The following CACNG2 variants were observed in gnomAD, a reference collection of about 807,000 sequenced individuals.
The protein encoded by CACNG2 is voltage-dependent calcium channel gamma-2 subunit.
Under a neutral mutation model 25.9 loss-of-function variants are expected in CACNG2, and 3 were observed. The observed-to-expected ratio is 0.12, with a 90% CI of 0.05 to 0.30. The LOEUF is 0.30. Among genes scored for constraint, CACNG2 ranks in the 10% least tolerant of loss-of-function variants. CACNG2 has a pLI of 1.00. For missense variants in CACNG2, 341 were observed against 432.5 expected (o/e 0.79, Z 1.88); for synonymous variants, 167 against 173.3 (o/e 0.96, Z 0.29).
intron 1 of CACNG2, among the ~76,000 whole-genome samples, chr22:36,637,068 A>T (rs143559887): frequency 6.6e-6 from 1 of 152,240 alleles, no homozygotes. Context: ...AGGCAGCAAC[A>T]TCTGCTGTGT....
chr22:36,568,175 A>C (rs73169701), intron 2 of CACNG2, among the ~76,000 whole-genome samples: 3,880 of 152,040 alleles, frequency 0.026, 131 homozygotes, highest in Admixed American at 0.089. Flanking sequence ...ATGGTGCTTA[A>C]GTGGTTTCTA....
At chr22:36,621,571 A>AC (rs1936106224) in intron 1 of CACNG2, among the ~76,000 whole-genome samples, 1 of 147,716 alleles carries the variant, frequency 6.8e-6, no homozygotes, top group Admixed American at 6.7e-5. Context: ...TTTTGCCTCA[A>AC]AAAAAAAAAA....
intron 1 of CACNG2, among the ~76,000 whole-genome samples, chr22:36,679,180 TC>T (rs1569049780): frequency 7.6e-6 from 1 of 131,990 alleles, no homozygotes; most frequent in Non-Finnish European, 1.6e-5. Context: ...CTTCCTTCCT[TC>T]CTTCCTTCCT....
chr22:36,666,991 ATTT>A (rs35100359), intron 1 of CACNG2, among the ~76,000 whole-genome samples: 5 of 134,384 alleles, frequency 3.7e-5, no homozygotes, highest in Admixed American at 1.5e-4. Context: ...TGGGATCACC[ATTT>A]TTTTTTTTTT....
rs575149310 is a variant in CACNG2 at position 36,631,419 on chromosome 22, C to T, written c.212-43871G>A. On this transcript the variant is annotated intron_variant, in intron 1 of 3. Transcript: ENST00000300105. ...TGCCTCTCAGCCCCCACCTCTGTGTCAGCAGTGTCCTTCAGGGGAAGCTGG... is the reference window on the plus strand; with the variant it reads ...TGCCTCTCAGCCCCCACCTCTGTGTTAGCAGTGTCCTTCAGGGGAAGCTGG... Among the ~76,000 whole-genome samples, 44 of 152,222 alleles carry T rather than the reference C, an allele frequency of 2.9e-4. No individual in the cohort carries two copies. The South Asian group carries it at 7.1e-3, about 24-fold the overall frequency.
At chr22:36,587,297 G>A (rs941306553) in intron 2 of CACNG2, among the ~76,000 whole-genome samples, 168 bp downstream of exon 2, 2 of 152,106 alleles carry the variant, frequency 1.3e-5, no homozygotes, top group Non-Finnish European at 2.9e-5. Context: ...GCAGGCAGAG[G>A]GAACAGCACA....
intron 1 of CACNG2, among the ~76,000 whole-genome samples, chr22:36,628,436 G>A (rs1023045258): frequency 6.6e-6 from 1 of 152,208 alleles, no homozygotes; most frequent in Non-Finnish European, 1.5e-5. Context: ...CACGATGTGT[G>A]CAAACACTAG....
intron 1 of CACNG2, among the ~76,000 whole-genome samples, chr22:36,619,199 T>C (rs1603501803): frequency 6.6e-6 from 1 of 152,206 alleles, no homozygotes; most frequent in Non-Finnish European, 1.5e-5. Context: ...TGTTTATCAA[T>C]CTATGCTCAT....
chr22:36,635,423 C>A (rs1183108167), intron 1 of CACNG2, among the ~76,000 whole-genome samples: 1 of 151,984 alleles, frequency 6.6e-6, no homozygotes, highest in Non-Finnish European at 1.5e-5. Context: ...AGAGAGTTAA[C>A]CTAGAATATG....
intron 2 of CACNG2, among the ~76,000 whole-genome samples, chr22:36,571,052 C>A (rs1278291204): frequency 2.6e-5 from 4 of 152,126 alleles, no homozygotes; most frequent in Non-Finnish European, 5.9e-5. Context: ...GCCTCAGTTT[C>A]CCCATCCTGT....
At chr22:36,682,261 T>C (rs1414779786) in intron 1 of CACNG2, among the ~76,000 whole-genome samples, 1 of 152,178 alleles carries the variant, frequency 6.6e-6, no homozygotes, top group Non-Finnish European at 1.5e-5. Flanking sequence ...CCTCTGCCCC[T>C]GTTAGCTGTG....
chr22:36,581,355 C>G, intron 2 of CACNG2, among the ~76,000 whole-genome samples: 1 of 152,254 alleles, frequency 6.6e-6, no homozygotes, highest in East Asian at 1.9e-4. Flanking sequence ...AGTGTCCATT[C>G]ATTAATTCAT....
At chr22:36,595,016 CAT>C (rs756585635) in intron 1 of CACNG2, among the ~76,000 whole-genome samples, 5 of 141,988 alleles carry the variant, frequency 3.5e-5, no homozygotes, top group African/African-American at 8.0e-5. Flanking sequence ...ATGAAGTCTG[CAT>C]ATGTGTGTGT....
chr22:36,680,645 A>G (rs1285727345), intron 1 of CACNG2, among the ~76,000 whole-genome samples: 1 of 24,644 alleles, frequency 4.1e-5, no homozygotes, highest in African/African-American at 1.4e-4. Context: ...CACCACCATC[A>G]TTATCACCAC....
chr22:36,590,588 C>T (rs1416543321), intron 1 of CACNG2, among the ~76,000 whole-genome samples: 1 of 152,218 alleles, frequency 6.6e-6, no homozygotes, highest in South Asian at 2.1e-4. Context: ...ACAGCACCGC[C>T]CACTACCAGG....
At chr22:36,643,794 A>C (rs1329506947) in intron 1 of CACNG2, among the ~76,000 whole-genome samples, 3 of 152,168 alleles carry the variant, frequency 2.0e-5, no homozygotes, top group Admixed American at 6.5e-5. Context: ...CTCATGATAA[A>C]ATGTGTTTTC....
intron 1 of CACNG2, among the ~76,000 whole-genome samples, chr22:36,600,776 A>G (rs1935744243): frequency 2.0e-5 from 3 of 152,048 alleles, no homozygotes; most frequent in Non-Finnish European, 4.4e-5. Context: ...GGAACTCCCA[A>G]CCTCAGGTGA....
chr22:36,616,222 T>A (rs1432883465), intron 1 of CACNG2, among the ~76,000 whole-genome samples: 1 of 152,246 alleles, frequency 6.6e-6, no homozygotes, highest in African/African-American at 2.4e-5. Context: ...TTTGGTGTGA[T>A]GCTTAGAGAA....
At chr22:36,656,315 A>T (rs1936705302) in intron 1 of CACNG2, among the ~76,000 whole-genome samples, 1 of 152,136 alleles carries the variant, frequency 6.6e-6, no homozygotes, top group Non-Finnish European at 1.5e-5. Context: ...AAAGACTGTA[A>T]ATTGGTAAGT....
Sources: allele counts gnomAD v4.1 joint callset (sites outside exome capture counted in the v4.1 genomes callset), GRCh38; gene constraint gnomAD v4.1.1; transcripts MANE v1.5; gene names NCBI Gene and HGNC (gene_info 2026-07-23, HGNC 2026-07-21).